The following CUX1 variants were observed in gnomAD, a reference collection of about 807,000 sequenced individuals.
CUX1 encodes the protein protein CASP.
CUX1 carries 31 observed loss-of-function variants against 158.8 expected under a neutral mutation model. That is an observed-to-expected ratio of 0.20 (90% CI 0.15 to 0.26). The LOEUF (loss-of-function observed/expected upper bound fraction) is 0.26. CUX1 is among the 10% of genes least tolerant of loss of function. The pLI, the probability that CUX1 is intolerant of heterozygous loss-of-function variation, is 1.00. For synonymous variants in CUX1, 879 were observed against 862.1 expected, an observed-to-expected ratio of 1.02 and a Z score of -0.34; for missense variants, 1,589 against 2,014.6, an observed-to-expected ratio of 0.79 and a Z score of 4.04.
chr7:101,892,162 G>T (rs1244711561), intron 1 of CUX1, among the ~76,000 whole-genome samples: 7 of 152,236 alleles, frequency 4.6e-5, no homozygotes, highest in African/African-American at 7.2e-5. Flanking sequence ...GCAGGCTGAA[G>T]ACAGTTGGAC....
In CUX1 at chr7:102,061,458, C is replaced by T. The variant is rs180845015; in HGVS notation, c.190-8881C>T. 1.2e-3 allele frequency among the ~76,000 whole-genome samples: 181 copies of T among 152,286 alleles called. 1 individual carries two copies. The highest frequency in any genetic ancestry group is 1.3e-3 in the Non-Finnish European group (91 of 68,024). The stretch of plus-strand genomic sequence containing the variant: ...CGTCTGAGAAATGAAGCTGGTGAGA[C>T]GGCGGTTCCTTCACTGTTTTCCAAG... On this transcript the variant is annotated intron_variant, in intron 3 of 23. Transcript: ENST00000292535.
chr7:102,278,852 C>T (rs1465674213), intron 18 of CUX1, among the ~76,000 whole-genome samples: 1 of 151,262 alleles, frequency 6.6e-6, no homozygotes, highest in Non-Finnish European at 1.5e-5. Context: ...CCAGCCTGGC[C>T]GACATAGTGA....
At chr7:102,058,680 G>A (rs973107847) in intron 3 of CUX1, among the ~76,000 whole-genome samples, 3 of 152,138 alleles carry the variant, frequency 2.0e-5, no homozygotes, top group African/African-American at 7.2e-5. Flanking sequence ...TGCTGAATGT[G>A]TATGTTTTTA....
At chr7:101,840,114 T>C (rs1235196392) in intron 1 of CUX1, among the ~76,000 whole-genome samples, 1 of 152,252 alleles carries the variant, frequency 6.6e-6, no homozygotes, top group East Asian at 1.9e-4. Context: ...TATTGTGGTA[T>C]AGAGGAAACA....
intron 2 of CUX1, among the ~76,000 whole-genome samples, chr7:101,984,089 A>AAAAAAAAAT (rs1221503978): frequency 6.7e-5 from 2 of 29,846 alleles, no homozygotes; most frequent in East Asian, 6.7e-4. Context: ...AAAAAAAAAA[A>AAAAAAAAAT]ATATATATAT....
intron 23 of CUX1, among the ~76,000 whole-genome samples, chr7:102,243,677 T>TAATAATAAAAAA (rs544002750): frequency 2.9e-5 from 4 of 139,054 alleles, no homozygotes; most frequent in African/African-American, 5.6e-5. Context: ...ATAATAATAA[T>TAATAATAAAAAA]AAAATAAATG....
intron 2 of CUX1, chr7:101,959,313 A>G (rs1225733097): frequency 2.0e-5 from 3 of 151,690 alleles, no homozygotes; most frequent in South Asian, 2.1e-4. Context: ...TTCACCTGGC[A>G]TCCTCATTCC....
chr7:102,122,928 C>T (rs1005946181), intron 8 of CUX1, among the ~76,000 whole-genome samples: 11 of 152,038 alleles, frequency 7.2e-5, no homozygotes, highest in Non-Finnish European at 1.2e-4. Context: ...CTCAAAAACA[C>T]GTACACATAA....
chr7:102,143,331 C>T (rs556175558), intron 8 of CUX1, among the ~76,000 whole-genome samples: 3 of 152,264 alleles, frequency 2.0e-5, no homozygotes, highest in South Asian at 2.1e-4. Flanking sequence ...CACAGAGGCG[C>T]GATCATAGCT....
intron 2 of CUX1, among the ~76,000 whole-genome samples, chr7:102,001,144 A>G (rs1425570769): frequency 6.6e-6 from 1 of 152,114 alleles, no homozygotes; most frequent in Non-Finnish European, 1.5e-5. Context: ...TAAAGACCCT[A>G]GATTGCTCCA....
At chr7:101,977,684 T>C (rs1017365513) in intron 2 of CUX1, among the ~76,000 whole-genome samples, 1 of 151,964 alleles carries the variant, frequency 6.6e-6, no homozygotes, top group Non-Finnish European at 1.5e-5. Flanking sequence ...TTTGAGAGAA[T>C]CGCTTGAACC....
chr7:102,282,657 C>A, intron 21 of CUX1: 1 of 1,583,202 alleles, frequency 6.3e-7, no homozygotes. Flanking sequence ...CATGGGTGGG[C>A]TGCAGGGGTG....
Position 102,282,687 on chromosome 7 carries a change from G to T in CUX1, c.1903-25G>T, listed in dbSNP as rs374749849. ...GGGGTGGCCTTGAGGCGAACGGGCAGCTCACCGTGTCTCCACCTGGCCAGG... is the reference window on the plus strand; with the variant it reads ...GGGGTGGCCTTGAGGCGAACGGGCATCTCACCGTGTCTCCACCTGGCCAGG... On this transcript the variant is annotated intron_variant, in intron 21 of 22. Coordinates refer to the CUX1 transcript ENST00000292538. 26 of 1,610,544 alleles carry T rather than the reference G, an allele frequency of 1.6e-5. 1 individual carries two copies. The African/African-American group carries it at 2.4e-4, about 15-fold the overall frequency.
chr7:102,026,750 G>A (rs538093191), intron 2 of CUX1, among the ~76,000 whole-genome samples: 2 of 149,022 alleles, frequency 1.3e-5, no homozygotes, highest in South Asian at 4.3e-4. Flanking sequence ...AACCTGGGAG[G>A]TGTAGGTTGC....
At chr7:101,835,205 A>G (rs965994127) in intron 1 of CUX1, among the ~76,000 whole-genome samples, 5 of 152,060 alleles carry the variant, frequency 3.3e-5, no homozygotes, top group African/African-American at 9.6e-5. Context: ...TATTCTCTGC[A>G]TCTATTCTCT....
chr7:101,895,914 T>TTTTTTTTTTTTTTTTG (rs1562975227), intron 1 of CUX1, among the ~76,000 whole-genome samples: 10 of 131,328 alleles, frequency 7.6e-5, no homozygotes, highest in South Asian at 2.4e-4. Flanking sequence ...TTTTGTTTTT[T>TTTTTTTTTTTTTTTTG]TTTTTTTTTT....
intron 3 of CUX1, among the ~76,000 whole-genome samples, chr7:102,069,486 C>T (rs1342818827): frequency 4.6e-5 from 7 of 152,178 alleles, no homozygotes; most frequent in Non-Finnish European, 8.8e-5. Flanking sequence ...CAGTGGCTCA[C>T]GCCTGTAATC....
intron 3 of CUX1, among the ~76,000 whole-genome samples, chr7:102,054,006 C>T (rs1823841996): frequency 6.6e-6 from 1 of 151,954 alleles, no homozygotes; most frequent in South Asian, 2.1e-4. Flanking sequence ...CAGAGTTTCG[C>T]CATGTTGGCC....
intron 2 of CUX1, among the ~76,000 whole-genome samples, chr7:101,976,532 G>A (rs746706984): frequency 6.6e-6 from 1 of 152,298 alleles, no homozygotes; most frequent in East Asian, 1.9e-4. Context: ...ACTTGTAGAG[G>A]TGGCAGCCTG....
Sources: gnomAD v4.1 joint callset for allele counts (sites outside exome capture counted in the v4.1 genomes callset) on GRCh38, gnomAD v4.1.1 for gene constraint, MANE v1.5 for transcripts, NCBI Gene and HGNC (gene_info 2026-07-23, HGNC 2026-07-21) for gene names.